The following ADAMDEC1 variants were observed in gnomAD, a reference collection of about 807,000 sequenced individuals.
ADAMDEC1 encodes the protein ADAM DEC1.
Under a neutral mutation model 60.4 loss-of-function variants are expected in ADAMDEC1, and 62 were observed. The ratio of observed to expected loss-of-function variants is 1.03; its 90% confidence interval spans 0.84 to 1.27. ADAMDEC1 has a LOEUF of 1.27. Among genes scored for constraint, ADAMDEC1 ranks in the 50% most tolerant of loss-of-function variants. The pLI is 0.00. For missense variants in ADAMDEC1, 595 were observed against 565.0 expected (o/e 1.05, Z -0.54); for synonymous variants, 210 against 195.1 (o/e 1.08, Z -0.64).
rs1021053537 is a variant in ADAMDEC1, at chr8:24,398,499, A to C, written c.710A>C (p.Asn237Thr). ...DNAFYKNYNE[N>T]LTLIRSFVFD... is the part of the protein sequence containing the mutation. ...TTACAGTATAAGAACTATAATGAGAATCTAACTCTGATAAGAAGCTTTGTG... is the reference window on the plus strand; with the variant it reads ...TTACAGTATAAGAACTATAATGAGACTCTAACTCTGATAAGAAGCTTTGTG... The change falls in exon 8 of 14, where the codon AAT becomes ACT. Residue 237 changes from asparagine to threonine, a missense_variant. Coordinates refer to ENST00000256412, the MANE Select transcript of ADAMDEC1 (RefSeq NM_014479.3). The C allele has an allele frequency of 2.5e-6, 4 of 1,596,628 alleles. No individual in the cohort carries two copies. The highest frequency in any genetic ancestry group is 1.3e-5 in the African/African-American group (1 of 74,458).
At chr8:24,405,266 C>T in intron 13 of ADAMDEC1, 26 bp from the exon 14 acceptor site, 1 of 1,610,594 alleles carries the variant, frequency 6.2e-7, no homozygotes, top group Non-Finnish European at 8.5e-7. Flanking sequence ...ACCCTGGCTT[C>T]CAAATTTTAT....
At position 24,404,011 on chromosome 8, in the gene ADAMDEC1, C is replaced by T; in HGVS notation, c.1329C>T (p.Thr443=). 1.9e-6 allele frequency: 3 copies of T among 1,613,340 alleles called. No individual in the cohort carries two copies. The highest frequency in any genetic ancestry group is 2.5e-6 in the Non-Finnish European group (3 of 1,179,600). ...GTGTGTGTGCTTTGAAGGAGTGTAC[C>T]AATCTCTGCTGTGAAGCCCTAACGT... ...DCDCGSPKEC[T]NLCCEALTCK... is the part of the protein sequence containing the mutation. The change falls in exon 13 of 14, where the codon ACC becomes ACT. Residue 443 remains threonine, a synonymous_variant. Coordinates refer to ENST00000256412, the MANE Select transcript of ADAMDEC1 (RefSeq NM_014479.3).
rs764781260 is a variant in ADAMDEC1 at position 24,397,328 on chromosome 8, G to A, written c.499G>A (p.Glu167Lys). Residue 167 changes from glutamate to lysine, a missense_variant, in exon 6 of 14, where the codon GAG (glutamate) becomes AAG (lysine). Transcript: ENST00000256412. ...GATAAAACCTCTGAAAAGCACAGAC[G>A]AGAAAGAACATGCCGTCTTTACATC... is the stretch of plus-strand genomic sequence containing the variant. The part of the protein sequence containing the change: ...YQIKPLKSTD[E>K]KEHAVFTSNQ... The A allele has an allele frequency of 7.4e-6, 12 of 1,613,850 alleles. No individual in the cohort carries two copies. Among genetic ancestry groups the A allele is most frequent in the South Asian group, 4.4e-5 (4 of 91,070 alleles).
Position 24,392,349 on chromosome 8 carries a change from A to G in ADAMDEC1, c.176A>G (p.Lys59Arg), listed in dbSNP as rs1817466460. Residue 59 changes from lysine to arginine, a missense_variant, in exon 2 of 14, where the codon AAG becomes AGG. Lys to Arg is a conservative substitution (Grantham distance 26, BLOSUM62 2). Coordinates refer to ENST00000256412, the MANE Select transcript of ADAMDEC1 (RefSeq NM_014479.3). ...CACATTTTACACAAAAGAGAGATCA[A>G]GAACAACCAGACAGAAAAGCATGGC... is the stretch of plus-strand genomic sequence containing the variant. ...KLHILHKREI[K>R]NNQTEKHGKE... The G allele has an allele frequency of 6.2e-7, 1 of 1,611,668 alleles. No homozygotes were observed. Among genetic ancestry groups the G allele is most frequent in the Admixed American group, 1.7e-5 (1 of 59,736 alleles).
rs145005223 is a variant in ADAMDEC1 at position 24,405,502 on chromosome 8, C to CT, written c.*214dup. 9.8e-3 allele frequency: 4,364 copies of CT among 445,096 alleles called. 3 individuals carry two copies. The highest frequency in any genetic ancestry group is 0.016 in the African/African-American group (750 of 47,660). 27.6% of individuals were successfully genotyped at this position (445,096 alleles called of 1,614,324 possible). On this transcript the variant is annotated 3_prime_UTR_variant, in exon 14 of 14. Transcript: ENST00000256412. ...TGTTTAGGCCTAATCTTTCTTTTTA[C>CT]TTTTTTTTTTCTTTTTTCTTTTTTT... is the stretch of plus-strand genomic sequence containing the variant.
chr8:24,393,528 T>C (rs1817504607), intron 3 of ADAMDEC1, among the ~76,000 whole-genome samples, 190 bp downstream of exon 3: 1 of 152,208 alleles, frequency 6.6e-6, no homozygotes, highest in Admixed American at 6.5e-5. Flanking sequence ...ACAAAAGGAA[T>C]GGCATATATA....
intron 11 of ADAMDEC1, among the ~76,000 whole-genome samples, chr8:24,400,760 G>A (rs1393248470): frequency 6.6e-6 from 1 of 150,660 alleles, no homozygotes; most frequent in African/African-American, 2.4e-5. Context: ...TTAGCATTAG[G>A]TATATCTCCT....
chr8:24,389,594 G>A (rs1439780216), intron 1 of ADAMDEC1, among the ~76,000 whole-genome samples: 2 of 152,228 alleles, frequency 1.3e-5, no homozygotes, highest in South Asian at 2.1e-4. Context: ...TCTCTACTCC[G>A]AACTCTCCAG....
chr8:24,405,404 T>C lies in ADAMDEC1; in HGVS notation c.*106T>C. The C allele has an allele frequency of 7.8e-7, 1 of 1,286,440 alleles. No individual in the cohort carries two copies. The highest frequency in any genetic ancestry group is 1.1e-6 in the Non-Finnish European group (1 of 900,534). 79.7% of individuals were successfully genotyped at this position (1,286,440 alleles called of 1,614,324 possible). Reference sequence around the variant, plus strand: ...TTTTCACCCATAATGGTCTTTCACTTGTCATTCTACTTTCTATATTGTTAT... The same window carrying C: ...TTTTCACCCATAATGGTCTTTCACTCGTCATTCTACTTTCTATATTGTTAT... On this transcript the variant is annotated 3_prime_UTR_variant, in exon 14 of 14. Transcript: ENST00000256412.
rs777063512 is a variant in ADAMDEC1 at position 24,394,117 on chromosome 8, A to T, written c.333A>T (p.Gly111=). The part of the protein sequence containing the change: ...DYTETLYSPR[G]EEITTKPENM... ...CTGAAACATTGTACTCACCCAGAGG[A>T]GAGGAAATTACCACGAAACCTGAGA... The change falls in exon 4 of 14, where the codon GGA becomes GGT. Residue 111 remains glycine (G), a synonymous_variant. Coordinates refer to ENST00000256412, the MANE Select transcript of ADAMDEC1 (RefSeq NM_014479.3). 6.2e-7 allele frequency: 1 copy of T among 1,613,432 alleles called. No homozygotes were observed. Among genetic ancestry groups the T allele is most frequent in the Non-Finnish European group, 8.5e-7 (1 of 1,179,484 alleles).
rs1394989225 is a variant in ADAMDEC1, at chr8:24,384,402, A to G, written c.-103A>G. On this transcript the variant is annotated 5_prime_UTR_variant, in exon 1 of 14. Transcript: ENST00000256412. ...CAATTTCCCAACACTCTTAAGAAAC[A>G]TTCCCCAATCTCACACGAAAAGTGG... The G allele has an allele frequency of 4.4e-6, 4 of 915,940 alleles. No homozygotes were observed. Among genetic ancestry groups the G allele is most frequent in the Admixed American group, 6.2e-5 (2 of 32,516 alleles). The allele number at this position is 915,940 out of a possible 1,614,324, so 56.7% of individuals were successfully genotyped here.
intron 7 of ADAMDEC1, among the ~76,000 whole-genome samples, chr8:24,398,237 T>G (rs982166529): frequency 6.6e-6 from 1 of 152,004 alleles, no homozygotes; most frequent in Non-Finnish European, 1.5e-5. Context: ...GTTAATTTGA[T>G]GTATTCAACT....
chr8:24,399,888 G>A lies in ADAMDEC1; in HGVS notation c.1012-282G>A, dbSNP rs115121076. On this transcript the variant is annotated intron_variant, in intron 10 of 13. Coordinates refer to ENST00000256412, the MANE Select transcript of ADAMDEC1 (RefSeq NM_014479.3). ...ATAGCAATAGGTTTTGGAGACCTCC[G>A]ATATGGTGCCTATGAGTACTTCCTA... Among the ~76,000 whole-genome samples, 300 of 152,260 alleles carry A rather than the reference G, an allele frequency of 2.0e-3. 2 individuals carry two copies. The highest frequency in any genetic ancestry group is 6.8e-3 in the African/African-American group (282 of 41,552).
At chr8:24,405,179 A>G (rs1255843073) in intron 13 of ADAMDEC1, 113 bp from the exon 14 acceptor site, 8 of 1,099,722 alleles carry the variant, frequency 7.3e-6, no homozygotes, top group African/African-American at 1.6e-5. Context: ...CTTAAATAAT[A>G]TGAATTGTTA....
At position 24,384,357 on chromosome 8, in the gene ADAMDEC1, T is replaced by C. The variant is rs1585797928; in HGVS notation, c.-148T>C. On this transcript the variant is annotated 5_prime_UTR_variant, in exon 1 of 14. Transcript: ENST00000256412. Reference sequence around the variant, plus strand: ...AAAGATGAGGAACATTCTCATGATGTTGACACTGCAATTTTTTGACAATTT... The same window carrying C: ...AAAGATGAGGAACATTCTCATGATGCTGACACTGCAATTTTTTGACAATTT... The C allele has an allele frequency of 1.5e-5, 9 of 617,710 alleles. No homozygotes were observed. The highest frequency in any genetic ancestry group is 1.1e-4 in the South Asian group (5 of 47,338). 38.3% of individuals were successfully genotyped at this position (617,710 alleles called of 1,614,324 possible).
intron 1 of ADAMDEC1, among the ~76,000 whole-genome samples, chr8:24,386,896 G>A (rs566936838): frequency 9.8e-5 from 15 of 152,304 alleles, no homozygotes; most frequent in African/African-American, 3.6e-4. Context: ...GGCCCTAGTG[G>A]CCAGAGAGCA....
chr8:24,397,991 A>C (rs1190823532), intron 7 of ADAMDEC1, among the ~76,000 whole-genome samples: 1 of 151,974 alleles, frequency 6.6e-6, no homozygotes. Flanking sequence ...TCAACCAAAA[A>C]AGAAAAATAA....
chr8:24,393,403 T>G lies in ADAMDEC1; in HGVS notation c.284+65T>G. On this transcript the variant is annotated intron_variant, in intron 3 of 13. Transcript: ENST00000256412. ...TTATGAAATTGGGGAGCAATCTTTTTGAGGCTCCATTTAGTGTGGTTTGAC... is the reference window on the plus strand; with the variant it reads ...TTATGAAATTGGGGAGCAATCTTTTGGAGGCTCCATTTAGTGTGGTTTGAC... 3 of 1,143,532 alleles carry G rather than the reference T, an allele frequency of 2.6e-6. No homozygotes were observed. In the East Asian group the frequency reaches 7.3e-5, roughly 28 times the overall value. The allele number at this position is 1,143,532 out of a possible 1,614,324, so 70.8% of individuals were successfully genotyped here.
At chr8:24,386,409 A>T (rs1817293664) in intron 1 of ADAMDEC1, among the ~76,000 whole-genome samples, 1 of 152,214 alleles carries the variant, frequency 6.6e-6, no homozygotes, top group African/African-American at 2.4e-5. Context: ...GCTAAGCAAA[A>T]TGAACTTCAG....
Sources: gnomAD v4.1 joint callset for allele counts (sites outside exome capture counted in the v4.1 genomes callset) on GRCh38, gnomAD v4.1.1 for gene constraint, MANE v1.5 for transcripts, NCBI Gene and HGNC (gene_info 2026-07-23, HGNC 2026-07-21) for gene names.